IL1RAPL1: variants seen among roughly 807,000 people sequenced by gnomAD.
IL1RAPL1 encodes the protein interleukin-1 receptor accessory protein-like 1.
IL1RAPL1 carries 3 observed loss-of-function variants against 48.4 expected under a neutral mutation model. The observed-to-expected ratio is 0.06, with a 90% CI of 0.03 to 0.16. IL1RAPL1 has a LOEUF of 0.16. IL1RAPL1 is among the 10% of genes least tolerant of loss of function. The pLI is 1.00. For synonymous variants in IL1RAPL1, 185 were observed against 187.7 expected (o/e 0.99, Z 0.12); for missense variants, 349 against 530.6 (o/e 0.66, Z 3.36).
chrX:29,627,960 G>C (rs1569131731), intron 5 of IL1RAPL1, among the ~76,000 whole-genome samples: 1 of 112,032 alleles, frequency 8.9e-6, no homozygotes, highest in Non-Finnish European at 1.9e-5. Context: ...TGATTTCTGA[G>C]TGCTGTATGC....
chrX:28,784,364 AT>A (rs1159713614), intron 1 of IL1RAPL1, among the ~76,000 whole-genome samples: 2 of 111,989 alleles, frequency 1.8e-5, no homozygotes, highest in African/African-American at 6.5e-5. Context: ...ATAGTGAATC[AT>A]TTTTTTAGCA....
intron 6 of IL1RAPL1, among the ~76,000 whole-genome samples, chrX:29,910,701 A>G (rs1189482771): frequency 8.9e-6 from 1 of 111,932 alleles, no homozygotes; most frequent in Non-Finnish European, 1.9e-5. Flanking sequence ...CTACGATCCA[A>G]TGAGAAGCCT....
At chrX:29,930,682 A>G (rs770100075) in intron 8 of IL1RAPL1, among the ~76,000 whole-genome samples, 4 of 111,962 alleles carry the variant, frequency 3.6e-5, no homozygotes, top group African/African-American at 1.3e-4. Flanking sequence ...TAGCTACTGA[A>G]TATTTTTGAA....
intron 2 of IL1RAPL1, among the ~76,000 whole-genome samples, chrX:28,904,589 T>C (rs1158639800): frequency 8.9e-6 from 1 of 112,390 alleles, no homozygotes; most frequent in Non-Finnish European, 1.9e-5. Context: ...TGGTAAGTTA[T>C]ACTTCTTAGC....
intron 2 of IL1RAPL1, among the ~76,000 whole-genome samples, chrX:29,024,387 G>A (rs190960441): frequency 8.9e-6 from 1 of 111,764 alleles, no homozygotes; most frequent in African/African-American, 3.2e-5. Flanking sequence ...GTGATAGATT[G>A]AATCACGTAG....
At chrX:29,498,344 T>C (rs1025600662) in intron 5 of IL1RAPL1, among the ~76,000 whole-genome samples, 3 of 111,783 alleles carry the variant, frequency 2.7e-5, no homozygotes, top group African/African-American at 9.7e-5. Context: ...GCTCCTGCCA[T>C]TTACTTTGCC....
At chrX:28,615,167 T>C (rs1317378465) in intron 1 of IL1RAPL1, among the ~76,000 whole-genome samples, 34 of 104,871 alleles carry the variant, frequency 3.2e-4, no homozygotes, top group Non-Finnish European at 6.0e-4. Context: ...AGATTACAGG[T>C]ATGAGGCACT....
intron 6 of IL1RAPL1, among the ~76,000 whole-genome samples, chrX:29,680,562 G>A (rs1423722604): frequency 9.0e-6 from 1 of 111,017 alleles, no homozygotes; most frequent in African/African-American, 3.3e-5. Flanking sequence ...TGGGTGGGTG[G>A]GGAGGCTGGT....
chrX:29,157,663 A>T (rs955213667), intron 2 of IL1RAPL1, among the ~76,000 whole-genome samples: 3 of 104,025 alleles, frequency 2.9e-5, no homozygotes, highest in Non-Finnish European at 3.9e-5. Context: ...CTGAATCCTA[A>T]ATACTCCATT....
At chrX:29,582,645 T>C (rs113396393) in intron 5 of IL1RAPL1, among the ~76,000 whole-genome samples, 931 of 61,865 alleles carry the variant, frequency 0.015, 7 homozygotes, top group Non-Finnish European at 0.022. Flanking sequence ...TATGCGGTGT[T>C]TGGTTTTTTG....
chrX:29,936,142 T>C (rs917389466), intron 8 of IL1RAPL1, among the ~76,000 whole-genome samples: 2 of 110,000 alleles, frequency 1.8e-5, no homozygotes, highest in African/African-American at 6.6e-5. Flanking sequence ...CACTGATGTA[T>C]TGTAGAACTG....
At chrX:28,740,153 A>G (rs1044041944) in intron 1 of IL1RAPL1, among the ~76,000 whole-genome samples, 14 of 111,825 alleles carry the variant, frequency 1.3e-4, no homozygotes, top group African/African-American at 4.5e-4. Context: ...AGAAATCATA[A>G]ATCCAATAAA....
chrX:29,242,912 A>G (rs750953995), intron 2 of IL1RAPL1, among the ~76,000 whole-genome samples: 4 of 112,343 alleles, frequency 3.6e-5, no homozygotes, highest in African/African-American at 9.7e-5. Flanking sequence ...TAACAACCTC[A>G]TTTTATTTCA....
chrX:29,743,614 A>T (rs1928262333), intron 6 of IL1RAPL1, among the ~76,000 whole-genome samples: 1 of 111,310 alleles, frequency 9.0e-6, no homozygotes, highest in South Asian at 3.7e-4. Context: ...CCTCCCGAGT[A>T]GCTGGGATTA....
intron 2 of IL1RAPL1, among the ~76,000 whole-genome samples, chrX:28,838,697 G>A (rs1921289180): frequency 9.1e-6 from 1 of 110,227 alleles, no homozygotes; most frequent in African/African-American, 3.3e-5. Flanking sequence ...CAATACCAGT[G>A]ATAAACTATT....
intron 1 of IL1RAPL1, among the ~76,000 whole-genome samples, chrX:28,753,366 C>T (rs1267849740): frequency 8.9e-6 from 1 of 111,945 alleles, no homozygotes; most frequent in Non-Finnish European, 1.9e-5. Flanking sequence ...GGGAAAATAT[C>T]ATCATACTGC....
intron 2 of IL1RAPL1, among the ~76,000 whole-genome samples, chrX:29,097,236 A>G (rs112400028): frequency 3.0e-3 from 338 of 112,296 alleles, no homozygotes; most frequent in Middle Eastern, 0.014. Context: ...CAGAAGAGGA[A>G]TAGAAAATCT....
intron 5 of IL1RAPL1, among the ~76,000 whole-genome samples, chrX:29,427,088 A>T (rs1354197880): frequency 3.6e-5 from 4 of 111,016 alleles, no homozygotes; most frequent in Non-Finnish European, 7.5e-5. Context: ...ATTATTTCTC[A>T]TTTGTGTGGA....
intron 3 of IL1RAPL1, among the ~76,000 whole-genome samples, chrX:29,356,270 C>G (rs1392206770): frequency 2.5e-5 from 2 of 80,663 alleles, no homozygotes; most frequent in Non-Finnish European, 5.0e-5. Context: ...GCCCTTATAC[C>G]TACGACACTA....
Sources: allele counts gnomAD v4.1 joint callset (sites outside exome capture counted in the v4.1 genomes callset), GRCh38; gene constraint gnomAD v4.1.1; transcripts MANE v1.5; gene names NCBI Gene and HGNC (gene_info 2026-07-23, HGNC 2026-07-21).